PLCG1: variants seen among roughly 807,000 people sequenced by gnomAD.
PLCG1 encodes phospholipase C gamma 1.
In PLCG1, 71 loss-of-function variants were observed where a neutral mutation model predicts 177.8. That is an observed-to-expected ratio of 0.40 (90% CI 0.33 to 0.49). PLCG1 has a LOEUF of 0.49. Ranked by LOEUF, PLCG1 falls within the 20% of genes least tolerant of loss-of-function variation. The probability of loss-of-function intolerance (pLI) is 0.72; values close to 1 mark genes in which losing one functional copy is unlikely to be tolerated. For synonymous variants in PLCG1, 658 were observed against 647.9 expected (o/e 1.02, Z -0.24); for missense variants, 1,281 against 1,709.0 (o/e 0.75, Z 4.42).
Position 41,165,566 on chromosome 20 carries a change from C to T in PLCG1, c.1611+15C>T. On this transcript the variant is annotated intron_variant, in intron 15 of 31. Transcript: ENST00000685551. This position sits in a 1 kb window ranked among gnomAD's most constrained non-coding sequence, Gnocchi z 6.6. ...AGCCCAAGGAGGTGAGGAACCAGCT[C>T]AGGTCTGGGGGCTGGGCCAGGTCAG... is the stretch of plus-strand genomic sequence containing the variant. 6.2e-7 allele frequency: 1 copy of T among 1,612,470 alleles called. No individual in the cohort carries two copies. The highest frequency in any genetic ancestry group is 8.5e-7 in the Non-Finnish European group (1 of 1,178,460).
rs2036052645 is a variant in PLCG1, at chr20:41,175,899, C to T, written c.*1390C>T. Reference sequence around the variant, plus strand: ...CTCTGGGCTAACAGGAGTTGTGGGTCCACTCTCTCCTGCCCACCCTCTGAG... The same window carrying T: ...CTCTGGGCTAACAGGAGTTGTGGGTTCACTCTCTCCTGCCCACCCTCTGAG... On this transcript the variant is annotated 3_prime_UTR_variant, in exon 32 of 32. Coordinates refer to ENST00000685551, the MANE Select transcript of PLCG1 (RefSeq NM_002660.3). 6.6e-6 allele frequency: 1 copy of T among 152,386 alleles called. No homozygotes were observed. The allele number at this position is 152,386 out of a possible 1,614,324, so 9.4% of individuals were successfully genotyped here.
At position 41,164,650 on chromosome 20, in the gene PLCG1, C is replaced by T. The variant is rs1265358358; in HGVS notation, c.1218-283C>T. Among the ~76,000 whole-genome samples the T allele has an allele frequency of 1.3e-5, 2 of 152,136 alleles. No individual in the cohort carries two copies. Among genetic ancestry groups the T allele is most frequent in the Non-Finnish European group, 2.9e-5 (2 of 68,038 alleles). On this transcript the variant is annotated intron_variant, in intron 12 of 31. Coordinates refer to ENST00000685551, the MANE Select transcript of PLCG1 (RefSeq NM_002660.3). This position sits in a 1 kb window ranked among gnomAD's most constrained non-coding sequence, Gnocchi z 6.4. ...CTAACTTTGGAGGCTTCTCCTCTCTCCTGGCCTCTTTGGTGTGAAACATTT... is the reference window on the plus strand; with the variant it reads ...CTAACTTTGGAGGCTTCTCCTCTCTTCTGGCCTCTTTGGTGTGAAACATTT...
rs754381464 is a variant in PLCG1, at chr20:41,172,395, G to C, written c.2906-26G>C. Reference sequence around the variant, plus strand: ...AACACTTCCTGGGTGGGCGGGCTCTGTAAGTGTTTTCCCTGTTTGGCCCAG... The same window carrying C: ...AACACTTCCTGGGTGGGCGGGCTCTCTAAGTGTTTTCCCTGTTTGGCCCAG... On this transcript the variant is annotated intron_variant, in intron 25 of 31. Transcript: ENST00000685551. The surrounding 1 kb of genome is among the most constrained non-coding windows in gnomAD (Gnocchi z 7.0). The C allele has an allele frequency of 1.9e-6, 3 of 1,608,082 alleles. No homozygotes were observed. Among genetic ancestry groups the C allele is most frequent in the Non-Finnish European group, 8.5e-7 (1 of 1,174,488 alleles).
At chr20:41,168,237 G>A (rs1213623560) in intron 20 of PLCG1, among the ~76,000 whole-genome samples, 6 of 152,154 alleles carry the variant, frequency 3.9e-5, no homozygotes, top group East Asian at 1.9e-4. Flanking sequence ...CTCATTCCCC[G>A]GCCTCATGGA....
Position 41,174,363 on chromosome 20 carries a change from C to T in PLCG1, c.3833+52C>T, listed in dbSNP as rs1313741106. On this transcript the variant is annotated intron_variant, in intron 31 of 31. Transcript: ENST00000685551. The surrounding 1 kb of genome is among the most constrained non-coding windows in gnomAD (Gnocchi z 5.8). ...CCAGGAAGGCAGTGGCTAGGTCCTCCTTCTTCAGTGTTTCTTTCTCCTGGG... is the reference window on the plus strand; with the variant it reads ...CCAGGAAGGCAGTGGCTAGGTCCTCTTTCTTCAGTGTTTCTTTCTCCTGGG... 1 of 1,602,462 alleles carries T rather than the reference C, an allele frequency of 6.2e-7. No homozygotes were observed. Among genetic ancestry groups the T allele is most frequent in the Admixed American group, 1.7e-5 (1 of 59,842 alleles).
At position 41,165,877 on chromosome 20, in the gene PLCG1, C is replaced by T; in HGVS notation, c.1799+51C>T. 3 of 1,354,850 alleles carry T rather than the reference C, an allele frequency of 2.2e-6. No individual in the cohort carries two copies. The highest frequency in any genetic ancestry group is 3.1e-6 in the Non-Finnish European group (3 of 981,588). The allele number at this position is 1,354,850 out of a possible 1,614,324, so 83.9% of individuals were successfully genotyped here. On this transcript the variant is annotated intron_variant, in intron 16 of 31. Coordinates refer to ENST00000685551, the MANE Select transcript of PLCG1 (RefSeq NM_002660.3). The surrounding 1 kb of genome is among the most constrained non-coding windows in gnomAD (Gnocchi z 6.6). ...TGTTCAGTCAGCGTGTGTACACAGA[C>T]ATCACATCACCCAGAGATAATCAGT...
Position 41,146,364 on chromosome 20 carries a change from G to T in PLCG1, c.217+8506G>T, listed in dbSNP as rs975046096. ...TGGGCCTGAGGGCCAAGATGGAATC[G>T]CTTTTCTCCCTGTAGCAGCCCATCC... On this transcript the variant is annotated intron_variant, in intron 1 of 31. Transcript: ENST00000685551. This position sits in a 1 kb window ranked among gnomAD's most constrained non-coding sequence, Gnocchi z 6.3. 1.3e-5 allele frequency among the ~76,000 whole-genome samples: 2 copies of T among 152,188 alleles called. No homozygotes were observed. The highest frequency in any genetic ancestry group is 2.4e-5 in the African/African-American group (1 of 41,432).
rs2035069266 is a variant in PLCG1, at chr20:41,148,625, T to G, written c.217+10767T>G. ...GGTCCCCAAAACCTTATTAAGTTCC[T>G]GGTAGGCATGGAGCATTGAAGATGG... On this transcript the variant is annotated intron_variant, in intron 1 of 31. Coordinates refer to ENST00000685551, the MANE Select transcript of PLCG1 (RefSeq NM_002660.3). This position sits in a 1 kb window ranked among gnomAD's most constrained non-coding sequence, Gnocchi z 4.3. Among the ~76,000 whole-genome samples, 1 of 152,236 alleles carries G rather than the reference T, an allele frequency of 6.6e-6. No individual in the cohort carries two copies. The highest frequency in any genetic ancestry group is 2.1e-4 in the South Asian group (1 of 4,830).
At position 41,164,786 on chromosome 20, in the gene PLCG1, A is replaced by T; in HGVS notation, c.1218-147A>T. On this transcript the variant is annotated intron_variant, in intron 12 of 31. Coordinates refer to ENST00000685551, the MANE Select transcript of PLCG1 (RefSeq NM_002660.3). This position sits in a 1 kb window ranked among gnomAD's most constrained non-coding sequence, Gnocchi z 6.4. Reference sequence around the variant, plus strand: ...CTGTAGAACCCCTCTCTGCCCCACCAGTGGCTATGGCCTGCCTCTTTTCTG... The same window carrying T: ...CTGTAGAACCCCTCTCTGCCCCACCTGTGGCTATGGCCTGCCTCTTTTCTG... 1.4e-6 allele frequency: 1 copy of T among 734,764 alleles called. No homozygotes were observed. Among genetic ancestry groups the T allele is most frequent in the Non-Finnish European group, 2.2e-6 (1 of 454,512 alleles). 45.5% of individuals were successfully genotyped at this position (734,764 alleles called of 1,614,324 possible). A position where few individuals can be genotyped will look rare whatever the true frequency, so the allele number is the denominator to read the frequency against.
rs1326497314 is a variant in PLCG1, at chr20:41,147,236, A to G, written c.217+9378A>G. Among the ~76,000 whole-genome samples, 4 of 152,108 alleles carry G rather than the reference A, an allele frequency of 2.6e-5. No individual in the cohort carries two copies. The highest frequency in any genetic ancestry group is 4.4e-5 in the Non-Finnish European group (3 of 68,022). ...TTTCTTGGGCGTTCTTAGCATATCT[A>G]CCAAGGAGGTTGGAAAAGGTAACAT... On this transcript the variant is annotated intron_variant, in intron 1 of 31. Coordinates refer to ENST00000685551, the MANE Select transcript of PLCG1 (RefSeq NM_002660.3). This position sits in a 1 kb window ranked among gnomAD's most constrained non-coding sequence, Gnocchi z 4.0.
At chr20:41,158,840 A>G (rs2035403310) in intron 1 of PLCG1, among the ~76,000 whole-genome samples, 1 of 152,248 alleles carries the variant, frequency 6.6e-6, no homozygotes, top group African/African-American at 2.4e-5. Context: ...ACACATGGTA[A>G]AACTGAGACT....
At position 41,163,650 on chromosome 20, in the gene PLCG1, C is replaced by T; in HGVS notation, c.892-65C>T. On this transcript the variant is annotated intron_variant, in intron 9 of 31. Coordinates refer to ENST00000685551, the MANE Select transcript of PLCG1 (RefSeq NM_002660.3). This position sits in a 1 kb window ranked among gnomAD's most constrained non-coding sequence, Gnocchi z 5.2. The stretch of plus-strand genomic sequence containing the variant: ...GAGCACTCTCTCTCCTACCCCCAAC[C>T]TACCATCTTGGGTTGGACAGGGCAG... The T allele has an allele frequency of 8.2e-7, 1 of 1,218,134 alleles. No individual in the cohort carries two copies. The highest frequency in any genetic ancestry group is 2.3e-5 in the East Asian group (1 of 43,096). The allele number at this position is 1,218,134 out of a possible 1,614,324, so 75.5% of individuals were successfully genotyped here. A position where few individuals can be genotyped will look rare whatever the true frequency, so the allele number is the denominator to read the frequency against.
At position 41,173,964 on chromosome 20, in the gene PLCG1, C is replaced by G; in HGVS notation, c.3598C>G (p.Leu1200Val). ...VPLKNNYSEDLELASLLIKID... is the reference protein window; with the variant it reads ...VPLKNNYSEDVELASLLIKID... Reference sequence around the variant, plus strand: ...TTTGAAGAACAACTACAGTGAGGACCTGGAGTTGGCCTCCCTGCTGATCAA... The same window carrying G: ...TTTGAAGAACAACTACAGTGAGGACGTGGAGTTGGCCTCCCTGCTGATCAA... The change falls in exon 30 of 32, where the codon CTG becomes GTG. Residue 1200 changes from leucine to valine, a missense_variant. This residue lies in a region of PLCG1 where 153 missense variants were observed against 153.2 expected (regional missense o/e 1.00). Transcript: ENST00000685551. This position sits in a 1 kb window ranked among gnomAD's most constrained non-coding sequence, Gnocchi z 6.2. The G allele has an allele frequency of 6.2e-7, 1 of 1,614,158 alleles. No individual in the cohort carries two copies.
rs1022678384 is a variant in PLCG1 at position 41,147,797 on chromosome 20, A to G, written c.217+9939A>G. Among the ~76,000 whole-genome samples, 2 of 152,052 alleles carry G rather than the reference A, an allele frequency of 1.3e-5. No individual in the cohort carries two copies. The highest frequency in any genetic ancestry group is 6.5e-5 in the Admixed American group (1 of 15,274). On this transcript the variant is annotated intron_variant, in intron 1 of 31. Coordinates refer to ENST00000685551, the MANE Select transcript of PLCG1 (RefSeq NM_002660.3). The surrounding 1 kb of genome is among the most constrained non-coding windows in gnomAD (Gnocchi z 4.0). Reference sequence around the variant, plus strand: ...CGGGAGGCAGAGGTTGCAGTGAGCCAAGATCGCGCCATTGCACTCCAGCCT... The same window carrying G: ...CGGGAGGCAGAGGTTGCAGTGAGCCGAGATCGCGCCATTGCACTCCAGCCT...
Position 41,160,120 on chromosome 20 carries a change from A to G in PLCG1, c.479A>G (p.Gln160Arg). ...TCTCTCTCCAGGTGGCTCCGGAAGC[A>G]GTTTTACTCAGTGGATCGGAATCGT... is the stretch of plus-strand genomic sequence containing the variant. The part of the protein sequence containing the change: ...PLQIERWLRK[Q>R]FYSVDRNRED... Residue 160 changes from glutamine (Q) to arginine (R), a missense_variant, in exon 4 of 32, where the codon CAG becomes CGG. Transcript: ENST00000685551. The surrounding 1 kb of genome is among the most constrained non-coding windows in gnomAD (Gnocchi z 5.5). 6.2e-7 allele frequency: 1 copy of G among 1,614,128 alleles called. No homozygotes were observed. Among genetic ancestry groups the G allele is most frequent in the Non-Finnish European group, 8.5e-7 (1 of 1,179,994 alleles).
chr20:41,166,614 G>T lies in PLCG1; in HGVS notation c.2120+19G>T, dbSNP rs1468754491. 6.2e-7 allele frequency: 1 copy of T among 1,614,170 alleles called. No homozygotes were observed. Among genetic ancestry groups the T allele is most frequent in the Admixed American group, 1.7e-5 (1 of 60,028 alleles). On this transcript the variant is annotated intron_variant, in intron 18 of 31. Coordinates refer to ENST00000685551, the MANE Select transcript of PLCG1 (RefSeq NM_002660.3). The surrounding 1 kb of genome is among the most constrained non-coding windows in gnomAD (Gnocchi z 8.6). ...CTTTCCGGTGAGGGGTGTGGCACTG[G>T]GTTGTGGGGCCTTGCTTGGGTCTGA... is the stretch of plus-strand genomic sequence containing the variant.
In PLCG1 at chr20:41,167,598, T is replaced by G; in HGVS notation, c.2302-254T>G. 1 of 510,746 alleles carries G rather than the reference T, an allele frequency of 2.0e-6. No individual in the cohort carries two copies. Among genetic ancestry groups the G allele is most frequent in the South Asian group, 2.4e-5 (1 of 42,116 alleles). 31.6% of individuals were successfully genotyped at this position (510,746 alleles called of 1,614,324 possible). A position where few individuals can be genotyped will look rare whatever the true frequency, so the allele number is the denominator to read the frequency against. ...CACATAGCTCAGAAATACTTGGGAG[T>G]TTGGGCATTTAGGACCTGAGAGATT... On this transcript the variant is annotated intron_variant, in intron 19 of 31. Transcript: ENST00000685551. The surrounding 1 kb of genome is among the most constrained non-coding windows in gnomAD (Gnocchi z 4.4).
intron 24 of PLCG1, among the ~76,000 whole-genome samples, chr20:41,171,937 G>A (rs2035913406): frequency 1.3e-5 from 2 of 152,214 alleles, no homozygotes; most frequent in African/African-American, 2.4e-5. Context: ...TGAGGAGTCT[G>A]TATCCCCCAC....
intron 1 of PLCG1, among the ~76,000 whole-genome samples, chr20:41,139,867 G>C (rs2034761419): frequency 6.6e-6 from 1 of 152,180 alleles, no homozygotes; most frequent in African/African-American, 2.4e-5. Context: ...GCAGGAAACA[G>C]TTTTGTTTTG....
Sources: gnomAD v4.1 joint callset for allele counts (sites outside exome capture counted in the v4.1 genomes callset) on GRCh38, gnomAD v4.1.1 for gene constraint, gnomAD v4.1.1 regional missense constraint, Gnocchi (gnomAD v3.1) non-coding constraint, MANE v1.5 for transcripts, NCBI Gene and HGNC (gene_info 2026-07-23, HGNC 2026-07-21) for gene names.